ZNF566: variants seen among roughly 807,000 people sequenced by gnomAD.
The protein encoded by ZNF566 is zinc finger protein 566.
In ZNF566, 27 loss-of-function variants were observed where a neutral mutation model predicts 32.8. That is an observed-to-expected ratio of 0.82 (90% CI 0.61 to 1.14). ZNF566 has a LOEUF of 1.14. Ranked by LOEUF, ZNF566 falls within the 50% of genes most tolerant of loss-of-function variation. The pLI, the probability that ZNF566 is intolerant of heterozygous loss-of-function variation, is 0.00. For missense variants in ZNF566, 402 were observed against 490.4 expected (o/e 0.82, Z 1.70); for synonymous variants, 154 against 159.5 (o/e 0.97, Z 0.26).
In ZNF566 at chr19:36,469,908, G is replaced by A. The variant is rs74325971; in HGVS notation, c.232+3003C>T. On this transcript the variant is annotated intron_variant, in intron 4 of 4. Coordinates refer to ENST00000452939, the MANE Select transcript of ZNF566 (RefSeq NM_001145344.1). ...CTTAACTATGTAAGTATAAGTACTCGAACTGCACTAAAAGAAAAAAAAAAC... is the reference window on the plus strand; with the variant it reads ...CTTAACTATGTAAGTATAAGTACTCAAACTGCACTAAAAGAAAAAAAAAAC... Among the ~76,000 whole-genome samples, 965 of 149,732 alleles carry A rather than the reference G, an allele frequency of 6.4e-3. 4 individuals carry two copies. Among genetic ancestry groups the A allele is most frequent in the Non-Finnish European group, 0.011 (712 of 66,976 alleles).
chr19:36,465,990 G>A (rs1202497710), intron 4 of ZNF566, among the ~76,000 whole-genome samples: 3 of 150,526 alleles, frequency 2.0e-5, no homozygotes, highest in Non-Finnish European at 4.4e-5. Context: ...TTTAATAGAA[G>A]GAAAAAAGGA....
intron 4 of ZNF566, among the ~76,000 whole-genome samples, chr19:36,452,951 C>G (rs2033195855): frequency 6.6e-6 from 1 of 151,814 alleles, no homozygotes; most frequent in South Asian, 2.1e-4. Context: ...AACCCTGTCT[C>G]TACTAAAAAT....
At chr19:36,482,165 G>A (rs545502817) in intron 1 of ZNF566, among the ~76,000 whole-genome samples, 181 of 152,280 alleles carry the variant, frequency 1.2e-3, no homozygotes, top group African/African-American at 4.2e-3. Context: ...GAGTGCAGTG[G>A]CGCGATCTCG....
chr19:36,467,810 A>C (rs2033660078), intron 4 of ZNF566, among the ~76,000 whole-genome samples: 1 of 89,148 alleles, frequency 1.1e-5, no homozygotes, highest in Non-Finnish European at 2.5e-5. Flanking sequence ...AAAAAAAAAA[A>C]AAAAAAAAAA....
intron 4 of ZNF566, among the ~76,000 whole-genome samples, chr19:36,470,413 C>T (rs909223998): frequency 4.6e-5 from 7 of 152,026 alleles, no homozygotes; most frequent in Non-Finnish European, 5.9e-5. Flanking sequence ...TTTTTTTCCG[C>T]TTACACTCCA....
chr19:36,460,822 A>G (rs2033442757), intron 4 of ZNF566, among the ~76,000 whole-genome samples: 1 of 152,212 alleles, frequency 6.6e-6, no homozygotes, highest in South Asian at 2.1e-4. Flanking sequence ...GTAAAAAAAT[A>G]TATATTACTT....
intron 4 of ZNF566, among the ~76,000 whole-genome samples, chr19:36,471,697 C>A (rs531051076): frequency 1.3e-5 from 2 of 152,098 alleles, no homozygotes; most frequent in South Asian, 4.2e-4. Flanking sequence ...ATTTTCATGT[C>A]TCTCCCTACA....
intron 4 of ZNF566, among the ~76,000 whole-genome samples, chr19:36,457,778 C>A (rs923861573): frequency 1.3e-5 from 2 of 152,154 alleles, no homozygotes; most frequent in African/African-American, 4.8e-5. Flanking sequence ...GTAATCTCAG[C>A]TACTTGGGAG....
At chr19:36,482,811 C>T (rs1568533026) in intron 1 of ZNF566, among the ~76,000 whole-genome samples, 1 of 152,126 alleles carries the variant, frequency 6.6e-6, no homozygotes, top group African/African-American at 2.4e-5. Flanking sequence ...CATGTTTCTG[C>T]GTATCTTGCA....
At chr19:36,455,484 G>A (rs972436508) in intron 4 of ZNF566, among the ~76,000 whole-genome samples, 2 of 152,196 alleles carry the variant, frequency 1.3e-5, no homozygotes, top group Admixed American at 1.3e-4. Flanking sequence ...GCTCCCACCT[G>A]TAATTCCCGC....
intron 4 of ZNF566, among the ~76,000 whole-genome samples, chr19:36,457,994 G>C (rs2033361153): frequency 6.6e-6 from 1 of 152,148 alleles, no homozygotes; most frequent in African/African-American, 2.4e-5. Context: ...GGCAAAAAGG[G>C]AATCCTTGGA....
chr19:36,466,991 C>G (rs1264356394), intron 4 of ZNF566, among the ~76,000 whole-genome samples: 13 of 150,948 alleles, frequency 8.6e-5, no homozygotes, highest in Admixed American at 5.9e-4. Flanking sequence ...ATGGTGTGAA[C>G]CCGGGAGGTG....
Position 36,446,670 on chromosome 19 carries a change from C to T in ZNF566, c.*2307G>A, listed in dbSNP as rs1016130952. Reference sequence around the variant, plus strand: ...CAAGAAAAGAAAGTAAACAAAATCTCATTTGGCAGTTTTCATTTTGATAAC... The same window carrying T: ...CAAGAAAAGAAAGTAAACAAAATCTTATTTGGCAGTTTTCATTTTGATAAC... On this transcript the variant is annotated 3_prime_UTR_variant, in exon 5 of 5. Transcript: ENST00000452939. 1 of 152,348 alleles carries T rather than the reference C, an allele frequency of 6.6e-6. No homozygotes were observed. The highest frequency in any genetic ancestry group is 1.9e-4 in the East Asian group (1 of 5,194). 9.4% of individuals were successfully genotyped at this position (152,348 alleles called of 1,614,324 possible).
chr19:36,450,650 G>GATAGATAGATAAATAAATAA (rs1555769153), intron 4 of ZNF566, among the ~76,000 whole-genome samples: 40 of 151,726 alleles, frequency 2.6e-4, no homozygotes, highest in African/African-American at 9.7e-4. Context: ...TCAATAGATA[G>GATAGATAGATAAATAAATAA]ATAAATAAAT....
chr19:36,459,094 C>T (rs1399522175), intron 4 of ZNF566, among the ~76,000 whole-genome samples: 1 of 152,088 alleles, frequency 6.6e-6, no homozygotes, highest in African/African-American at 2.4e-5. Context: ...GTTTAAAAAA[C>T]TTTCAGAGAA....
intron 4 of ZNF566, among the ~76,000 whole-genome samples, chr19:36,452,841 TG>T (rs1209376589): frequency 1.3e-5 from 2 of 152,152 alleles, no homozygotes; most frequent in Non-Finnish European, 2.9e-5. Flanking sequence ...AAGACAAGGC[TG>T]GGCACGGTGG....
intron 4 of ZNF566, among the ~76,000 whole-genome samples, chr19:36,461,205 T>A (rs1250462624): frequency 6.6e-6 from 1 of 152,200 alleles, no homozygotes. Flanking sequence ...TCCAGATTTC[T>A]ATATTAAATC....
At chr19:36,456,454 G>C (rs2145647621) in intron 4 of ZNF566, 1 of 151,582 alleles carries the variant, frequency 6.6e-6, no homozygotes, top group East Asian at 1.9e-4. Context: ...TCGGGAGGCT[G>C]AGGCAGAAGA....
chr19:36,484,587 C>CTTTTTTT lies in ZNF566; in HGVS notation c.-60+4892_-60+4898dup, dbSNP rs34052223. ...GAGAAATAGGATTTTGGCATAGTTTCTTTTTTTTTTTTTTTTTTTTGAGAT... is the reference window on the plus strand; with the variant it reads ...GAGAAATAGGATTTTGGCATAGTTTCTTTTTTTTTTTTTTTTTTTTTTTTTTTGAGAT... On this transcript the variant is annotated intron_variant, in intron 1 of 4. Transcript: ENST00000452939. Among the ~76,000 whole-genome samples the CTTTTTTT allele has an allele frequency of 5.4e-5, 6 of 111,914 alleles. 1 individual carries two copies. Among genetic ancestry groups the CTTTTTTT allele is most frequent in the Non-Finnish European group, 7.0e-5 (4 of 57,528 alleles). 73.4% of individuals were successfully genotyped at this position (111,914 alleles called of 152,430 possible). A position where few individuals can be genotyped will look rare whatever the true frequency, so the allele number is the denominator to read the frequency against.
Sources: gnomAD v4.1 joint callset for allele counts (sites outside exome capture counted in the v4.1 genomes callset) on GRCh38, gnomAD v4.1.1 for gene constraint, MANE v1.5 for transcripts, NCBI Gene and HGNC (gene_info 2026-07-23, HGNC 2026-07-21) for gene names.